CDH19: variants seen among roughly 807,000 people sequenced by gnomAD.
CDH19 encodes cadherin 19, also known as cadherin-19.
Under a neutral mutation model 64.2 loss-of-function variants are expected in CDH19, and 67 were observed. That is an observed-to-expected ratio of 1.04 (90% CI 0.86 to 1.28). The LOEUF (loss-of-function observed/expected upper bound fraction) is 1.28, where lower values mean the gene tolerates loss of function less well. Ranked by LOEUF, CDH19 falls within the 50% of genes most tolerant of loss-of-function variation. The probability of loss-of-function intolerance (pLI) is 0.00; values close to 1 mark genes in which losing one functional copy is unlikely to be tolerated. For synonymous variants in CDH19, 346 were observed against 319.3 expected, an observed-to-expected ratio of 1.08 and a Z score of -0.89; for missense variants, 1,030 against 929.0, an observed-to-expected ratio of 1.11 and a Z score of -1.41.
Position 66,511,557 on chromosome 18 carries a change from A to G in CDH19, c.1576+11T>C. The G allele has an allele frequency of 9.2e-7, 1 of 1,084,206 alleles. No individual in the cohort carries two copies. Among genetic ancestry groups the G allele is most frequent in the Non-Finnish European group, 1.4e-6 (1 of 706,892 alleles). 67.2% of individuals were successfully genotyped at this position (1,084,206 alleles called of 1,614,324 possible). ...AATGTATCAAAACTCATTATGAGTG[A>G]ATGACATTACCTTGATTATCTATGA... On this transcript the variant is annotated intron_variant, in intron 10 of 11. Transcript: ENST00000262150.
chr18:66,582,030 C>G (rs891147348), intron 1 of CDH19, among the ~76,000 whole-genome samples: 31 of 152,144 alleles, frequency 2.0e-4, no homozygotes, highest in African/African-American at 7.5e-4. Flanking sequence ...ATTCTATACA[C>G]TGTACTTTAT....
intron 1 of CDH19, among the ~76,000 whole-genome samples, chr18:66,593,995 T>TA (rs1475302769): frequency 1.3e-5 from 2 of 152,218 alleles, no homozygotes; most frequent in East Asian, 3.9e-4. Context: ...CCCCACTTTT[T>TA]AAAGACCCAA....
chr18:66,509,157 C>T lies in CDH19; in HGVS notation c.1666G>A (p.Gly556Arg). 1.2e-6 allele frequency: 2 copies of T among 1,612,870 alleles called. No individual in the cohort carries two copies. The highest frequency in any genetic ancestry group is 3.3e-4 in the Middle Eastern group (2 of 6,054). ...TTTGTACTTGTAAGTGACGGGATTC[C>T]ATTGTCGGCAATTAAGATGGAGATG... ...FYISILIADNGIPSLTSTNTL... is the reference protein window; with the variant it reads ...FYISILIADNRIPSLTSTNTL... The change falls in exon 11 of 12, where the codon GGA becomes AGA. Residue 556 changes from glycine (G) to arginine (R), a missense_variant. Coordinates refer to ENST00000262150, the MANE Select transcript of CDH19 (RefSeq NM_021153.4).
chr18:66,597,102 ATCATACTAATGTTCACAGG>A (rs1568215825), intron 1 of CDH19, among the ~76,000 whole-genome samples: 3 of 142,246 alleles, frequency 2.1e-5, no homozygotes, highest in Non-Finnish European at 4.6e-5. Flanking sequence ...AAAAAAAAAA[ATCATACTAATGTTCACAGG>A]AAACCACAAA....
chr18:66,538,803 T>A (rs1986777597), intron 7 of CDH19, among the ~76,000 whole-genome samples: 1 of 152,108 alleles, frequency 6.6e-6, no homozygotes, highest in African/African-American at 2.4e-5. Context: ...TCCTTGCTAG[T>A]CTTCCACTTG....
intron 10 of CDH19, 127 bp downstream of exon 10, chr18:66,511,441 C>G (rs1363411454): frequency 2.0e-5 from 11 of 549,450 alleles, no homozygotes; most frequent in Non-Finnish European, 3.3e-5. Flanking sequence ...AATTGTTACT[C>G]TTTTGCTTGA....
chr18:66,563,285 A>C (rs1987789891), intron 3 of CDH19, among the ~76,000 whole-genome samples: 1 of 152,050 alleles, frequency 6.6e-6, no homozygotes, highest in African/African-American at 2.4e-5. Context: ...TAGATTTCAA[A>C]ATGACATTTA....
intron 9 of CDH19, among the ~76,000 whole-genome samples, chr18:66,524,659 G>A (rs11874748): frequency 0.33 from 50,117 of 150,508 alleles, 9,272 homozygotes; most frequent in South Asian, 0.48. Context: ...CTCTAGGGAA[G>A]TGGAAACAGT....
intron 9 of CDH19, among the ~76,000 whole-genome samples, chr18:66,518,406 G>T (rs1306243985): frequency 1.3e-5 from 2 of 151,818 alleles, no homozygotes; most frequent in African/African-American, 2.4e-5. Flanking sequence ...GCTAATTTTT[G>T]TAGTTTCAGT....
chr18:66,507,213 G>A (rs1985245898), intron 11 of CDH19, among the ~76,000 whole-genome samples: 1 of 151,846 alleles, frequency 6.6e-6, no homozygotes, highest in Non-Finnish European at 1.5e-5. Flanking sequence ...TATGAATTCA[G>A]CTTCATAATC....
At chr18:66,518,389 G>A (rs934484267) in intron 9 of CDH19, among the ~76,000 whole-genome samples, 23 of 151,854 alleles carry the variant, frequency 1.5e-4, no homozygotes, top group African/African-American at 3.9e-4. Flanking sequence ...GCCCACCACC[G>A]TGCCCAGCTA....
chr18:66,564,592 A>G (rs1460196223), intron 3 of CDH19, among the ~76,000 whole-genome samples: 1 of 151,906 alleles, frequency 6.6e-6, no homozygotes, highest in Non-Finnish European at 1.5e-5. Context: ...AATATGTGAA[A>G]CTAAATTTTA....
chr18:66,572,709 T>C (rs1988144160), intron 1 of CDH19, among the ~76,000 whole-genome samples: 1 of 151,720 alleles, frequency 6.6e-6, no homozygotes, highest in Admixed American at 6.6e-5. Context: ...AAAAAAGTCT[T>C]ATTTTTCCTT....
At chr18:66,558,592 A>C (rs756766742) in intron 3 of CDH19, among the ~76,000 whole-genome samples, 15 of 152,070 alleles carry the variant, frequency 9.9e-5, no homozygotes, top group Non-Finnish European at 1.9e-4. Context: ...AAAAATATTT[A>C]ACACAATTGT....
intron 6 of CDH19, 74 bp downstream of exon 6, chr18:66,544,641 AAACT>A: frequency 7.9e-6 from 8 of 1,010,962 alleles, no homozygotes; most frequent in Non-Finnish European, 1.1e-5. Flanking sequence ...AATGAGTTAA[AAACT>A]AACCAGCTAC....
At chr18:66,576,313 C>A (rs1425590051) in intron 1 of CDH19, among the ~76,000 whole-genome samples, 1 of 151,074 alleles carries the variant, frequency 6.6e-6, no homozygotes, top group Non-Finnish European at 1.5e-5. Context: ...TATAAAGGTA[C>A]AGTAGGTAAG....
At chr18:66,518,446 C>T (rs111260465) in intron 9 of CDH19, among the ~76,000 whole-genome samples, 66,560 of 151,714 alleles carry the variant, frequency 0.44, 15,310 homozygotes, top group African/African-American at 0.57. Flanking sequence ...GTTGGCCAGG[C>T]TGGTCTCGAA....
At chr18:66,573,854 A>G (rs1988183727) in intron 1 of CDH19, among the ~76,000 whole-genome samples, 1 of 150,966 alleles carries the variant, frequency 6.6e-6, no homozygotes, top group Non-Finnish European at 1.5e-5. Context: ...TTTTAATATT[A>G]AAACCAATTT....
chr18:66,502,892 G>A lies in CDH19; in HGVS notation c.*1920C>T, dbSNP rs1215046916. ...AAGCTTTTGTGAAATGATAATATTT[G>A]TGTCACCAATTTAATGGTGCCTGTT... On this transcript the variant is annotated 3_prime_UTR_variant, in exon 12 of 12. Transcript: ENST00000262150. 6.6e-6 allele frequency: 1 copy of A among 151,682 alleles called. No homozygotes were observed. Among genetic ancestry groups the A allele is most frequent in the Non-Finnish European group, 1.5e-5 (1 of 67,826 alleles). The allele number at this position is 151,682 out of a possible 1,614,324, so 9.4% of individuals were successfully genotyped here. A position where few individuals can be genotyped will look rare whatever the true frequency, so the allele number is the denominator to read the frequency against.
Sources: allele counts gnomAD v4.1 joint callset (sites outside exome capture counted in the v4.1 genomes callset), GRCh38; gene constraint gnomAD v4.1.1; transcripts MANE v1.5; gene names NCBI Gene and HGNC (gene_info 2026-07-23, HGNC 2026-07-21).